Variants in ANKRD30A observed in about 807,000 individuals in gnomAD.
The protein encoded by ANKRD30A is ankyrin repeat domain-containing protein 30A.
A neutral mutation model predicts 166.3 loss-of-function variants in ANKRD30A; 170 were observed. The observed-to-expected ratio is 1.02, with a 90% confidence interval of 0.90 to 1.16. ANKRD30A has a LOEUF of 1.16. Among genes scored for constraint, ANKRD30A ranks in the 50% most tolerant of loss-of-function variants. The pLI is 0.00. For synonymous variants in ANKRD30A, 564 were observed against 508.9 expected, an observed-to-expected ratio of 1.11 and a Z score of -1.46; for missense variants, 1,630 against 1,518.0, an observed-to-expected ratio of 1.07 and a Z score of -1.23.
chr10:37,193,077 T>A lies in ANKRD30A; in HGVS notation c.2526T>A (p.Asn842Lys), dbSNP rs539403485. The A allele has an allele frequency of 3.7e-6, 6 of 1,609,924 alleles. No individual in the cohort carries two copies. The highest frequency in any genetic ancestry group is 1.7e-5 in the Admixed American group (1 of 59,944). Residue 842 changes from asparagine (N) to lysine (K), a missense_variant, in exon 26 of 36, where the codon AAT becomes AAA. Asn to Lys is a moderately conservative substitution (Grantham distance 94, BLOSUM62 0). Transcript: ENST00000361713. ...CTTTTCTTTTAGAGTCTCCTGATAA[T>A]GATGGTTTTCTGAAGGTAATAACTT... ...INGKLEESPD[N>K]DGFLKAPCRM...
At chr10:37,226,788 T>C (rs1843175717) in intron 34 of ANKRD30A, among the ~76,000 whole-genome samples, 1 of 103,362 alleles carries the variant, frequency 9.7e-6, no homozygotes, top group Admixed American at 1.2e-4. Flanking sequence ...CCAAAGCAGC[T>C]ATACCATTTT....
chr10:37,193,497 G>A (rs931476389), intron 27 of ANKRD30A, among the ~76,000 whole-genome samples: 14 of 152,020 alleles, frequency 9.2e-5, no homozygotes, highest in African/African-American at 2.4e-4. Flanking sequence ...TGTCCTGATC[G>A]GATAAAGTTT....
the ANKRD30A span, among the ~76,000 whole-genome samples, chr10:37,248,876 G>A: frequency 1.3e-5 from 2 of 152,262 alleles, no homozygotes; most frequent in Non-Finnish European, 2.9e-5. Flanking sequence ...GCAGTTGGGT[G>A]ACCCTACCCA....
intron 3 of ANKRD30A, among the ~76,000 whole-genome samples, chr10:37,131,028 C>A (rs1018644363): frequency 5.3e-5 from 8 of 151,972 alleles, no homozygotes; most frequent in Admixed American, 2.6e-4. Context: ...GGGTTGACTT[C>A]TAGAATTTAG....
chr10:37,258,781 G>A, the ANKRD30A span, among the ~76,000 whole-genome samples: 4 of 151,478 alleles, frequency 2.6e-5, no homozygotes, highest in African/African-American at 9.7e-5. Flanking sequence ...GGCTAACAAG[G>A]TGAAACCCCT....
At chr10:37,193,328 T>G (rs1323610625) in intron 27 of ANKRD30A, 70 bp downstream of exon 27, 1 of 1,496,494 alleles carries the variant, frequency 6.7e-7, no homozygotes, top group Non-Finnish European at 9.1e-7. Context: ...TGTGAGACTT[T>G]TCATTCCCAA....
chr10:37,171,823 A>G (rs1228235159), intron 21 of ANKRD30A, among the ~76,000 whole-genome samples: 2 of 149,598 alleles, frequency 1.3e-5, no homozygotes, highest in Non-Finnish European at 3.0e-5. Context: ...GAGGATCTAG[A>G]CTTTTCATCT....
chr10:37,198,619 C>G (rs1158668282), intron 29 of ANKRD30A, among the ~76,000 whole-genome samples: 1 of 151,996 alleles, frequency 6.6e-6, no homozygotes, highest in Non-Finnish European at 1.5e-5. Context: ...CACGTTGTAT[C>G]TCTGAAACTA....
At chr10:37,190,557 C>A (rs1051135533) in intron 25 of ANKRD30A, among the ~76,000 whole-genome samples, 10 of 151,636 alleles carry the variant, frequency 6.6e-5, no homozygotes, top group African/African-American at 2.4e-4. Flanking sequence ...GAATCAAGAG[C>A]AGAAGTCTAG....
At chr10:37,190,071 C>G (rs1338757983) in intron 25 of ANKRD30A, among the ~76,000 whole-genome samples, 1 of 151,812 alleles carries the variant, frequency 6.6e-6, no homozygotes, top group African/African-American at 2.4e-5. Flanking sequence ...GATGGAAGCA[C>G]CTGACCATGG....
chr10:37,239,644 C>T, the ANKRD30A span, among the ~76,000 whole-genome samples: 13 of 152,134 alleles, frequency 8.5e-5, no homozygotes, highest in South Asian at 2.1e-4. Flanking sequence ...TTGCAAAATA[C>T]GAATTAAATT....
At chr10:37,179,267 T>C (rs1298094979) in intron 24 of ANKRD30A, among the ~76,000 whole-genome samples, 2 of 151,058 alleles carry the variant, frequency 1.3e-5, no homozygotes, top group African/African-American at 4.8e-5. Context: ...CTTGAATACC[T>C]AAATTGTTGT....
the ANKRD30A span, among the ~76,000 whole-genome samples, chr10:37,244,317 T>A: frequency 6.6e-6 from 1 of 152,088 alleles, no homozygotes; most frequent in Non-Finnish European, 1.5e-5. Context: ...ACACATCCAC[T>A]GTTAGTCAGA....
intron 5 of ANKRD30A, among the ~76,000 whole-genome samples, chr10:37,135,540 G>T: frequency 6.6e-6 from 1 of 152,294 alleles, no homozygotes; most frequent in South Asian, 2.1e-4. Context: ...AGGCATCTCA[G>T]AAATGAGAAA....
At chr10:37,226,379 A>G (rs1264045045) in intron 34 of ANKRD30A, among the ~76,000 whole-genome samples, 1 of 150,758 alleles carries the variant, frequency 6.6e-6, no homozygotes, top group East Asian at 2.0e-4. Context: ...TGTCCTTGCA[A>G]TAGTTTGCTG....
At chr10:37,251,304 A>T in the ANKRD30A span, among the ~76,000 whole-genome samples, 96 of 152,254 alleles carry the variant, frequency 6.3e-4, 2 homozygotes, top group South Asian at 0.014. Flanking sequence ...CCTAAGTATG[A>T]GTGAGTTCTT....
chr10:37,147,346 A>G, intron 8 of ANKRD30A, 24 bp from the exon 9 acceptor site: 4 of 1,490,192 alleles, frequency 2.7e-6, no homozygotes, highest in South Asian at 1.3e-5. Flanking sequence ...AACTGAAATT[A>G]TCTATTGATA....
At chr10:37,264,858 T>C in the ANKRD30A span, among the ~76,000 whole-genome samples, 1 of 152,194 alleles carries the variant, frequency 6.6e-6, no homozygotes, top group South Asian at 2.1e-4. Flanking sequence ...TAAAGTATTA[T>C]AAAAAGTCAA....
chr10:37,172,477 A>G (rs1447903899), intron 21 of ANKRD30A, among the ~76,000 whole-genome samples: 1 of 135,612 alleles, frequency 7.4e-6, no homozygotes, highest in African/African-American at 2.8e-5. Flanking sequence ...GAAATGTTGA[A>G]CAAATAAATT....
Sources: gnomAD v4.1 joint callset for allele counts (sites outside exome capture counted in the v4.1 genomes callset) on GRCh38, gnomAD v4.1.1 for gene constraint, MANE v1.5 for transcripts, NCBI Gene and HGNC (gene_info 2026-07-23, HGNC 2026-07-21) for gene names.